PHEX: variants seen among roughly 807,000 people sequenced by gnomAD.
PHEX encodes the protein phosphate regulating endopeptidase X-linked.
A neutral mutation model predicts 68.0 loss-of-function variants in PHEX; 16 were observed. The ratio of observed to expected loss-of-function variants is 0.24; its 90% CI spans 0.16 to 0.36. PHEX has a LOEUF of 0.36. Ranked by LOEUF, PHEX falls within the 10% of genes least tolerant of loss-of-function variation. The probability of loss-of-function intolerance (pLI) is 1.00; values close to 1 mark genes in which losing one functional copy is unlikely to be tolerated. For missense variants in PHEX, 480 were observed against 575.5 expected (o/e 0.83, Z 1.70); for synonymous variants, 208 against 205.1 (o/e 1.01, Z -0.12).
At chrX:22,042,505 C>G (rs1295477144) in intron 2 of PHEX, among the ~76,000 whole-genome samples, 1 of 112,538 alleles carries the variant, frequency 8.9e-6, no homozygotes, top group African/African-American at 3.2e-5. Context: ...TAATAATGGA[C>G]TGGGCACGGT....
At chrX:22,159,355 T>A (rs1339533075) in intron 12 of PHEX, among the ~76,000 whole-genome samples, 1 of 112,800 alleles carries the variant, frequency 8.9e-6, no homozygotes, top group African/African-American at 3.2e-5. Context: ...TAAATAGTTT[T>A]AAAAAATCAG....
chrX:22,117,565 CAATT>C (rs1026897820), intron 11 of PHEX, among the ~76,000 whole-genome samples: 3 of 111,421 alleles, frequency 2.7e-5, no homozygotes, highest in Non-Finnish European at 5.6e-5. Context: ...GCTATAAAAA[CAATT>C]AAAGGATAAT....
At chrX:22,153,686 G>C (rs933971376) in intron 12 of PHEX, among the ~76,000 whole-genome samples, 1 of 111,595 alleles carries the variant, frequency 9.0e-6, no homozygotes, top group African/African-American at 3.3e-5. Flanking sequence ...AATTCTACCA[G>C]ATGGCATTCG....
intron 3 of PHEX, among the ~76,000 whole-genome samples, chrX:22,061,335 G>T (rs1267830943): frequency 1.8e-5 from 2 of 111,613 alleles, no homozygotes; most frequent in African/African-American, 6.5e-5. Context: ...TCTCTGATTA[G>T]ATTGTTTTAG....
At chrX:22,181,888 A>C (rs1393790207) in intron 14 of PHEX, among the ~76,000 whole-genome samples, 1 of 112,091 alleles carries the variant, frequency 8.9e-6, no homozygotes, top group East Asian at 2.8e-4. Context: ...GCTTTCTCTT[A>C]GAATATAGAA....
At chrX:22,205,679 T>C (rs763287689) in intron 15 of PHEX, among the ~76,000 whole-genome samples, 13 of 92,713 alleles carry the variant, frequency 1.4e-4, no homozygotes, top group African/African-American at 5.2e-4. Context: ...ACTTTATTAA[T>C]ATTAAATTAT....
chrX:22,087,888 G>A (rs1447504074), intron 5 of PHEX, among the ~76,000 whole-genome samples: 2 of 111,585 alleles, frequency 1.8e-5, no homozygotes, highest in African/African-American at 6.5e-5. Context: ...ATTTAGAGAA[G>A]GTGCTGGAAA....
chrX:22,153,847 G>A (rs1373339527), intron 12 of PHEX, among the ~76,000 whole-genome samples: 1 of 112,165 alleles, frequency 8.9e-6, no homozygotes, highest in East Asian at 2.8e-4. Flanking sequence ...TCAGTGAACT[G>A]TAATTGTATT....
At chrX:22,033,152 C>A (rs1003994925) in intron 1 of PHEX, 29 bp downstream of exon 1, 2 of 1,031,591 alleles carry the variant, frequency 1.9e-6, no homozygotes, top group Non-Finnish European at 2.7e-6. Flanking sequence ...GCCGGGGGAA[C>A]TGGGTGTGTG....
At chrX:22,041,265 C>CTCTCTCTCTCTCTCTCTCTATATA (rs1468778300) in intron 2 of PHEX, among the ~76,000 whole-genome samples, 1 of 72,825 alleles carries the variant, frequency 1.4e-5, no homozygotes, top group African/African-American at 6.3e-5. Context: ...CTCTCTCTCT[C>CTCTCTCTCTCTCTCTCTCTATATA]TATATATATA....
At chrX:22,169,828 G>A (rs1380889053) in intron 13 of PHEX, 1 of 112,495 alleles carries the variant, frequency 8.9e-6, no homozygotes, top group Non-Finnish European at 1.9e-5. Flanking sequence ...ACTTAACTTC[G>A]GTTAGCCTCC....
intron 3 of PHEX, among the ~76,000 whole-genome samples, chrX:22,059,488 A>G (rs1319935223): frequency 8.9e-6 from 1 of 112,272 alleles, no homozygotes; most frequent in Non-Finnish European, 1.9e-5. Flanking sequence ...TATATTTCAC[A>G]CAGTAAAAAA....
At chrX:22,033,744 T>G (rs142250452) in intron 1 of PHEX, among the ~76,000 whole-genome samples, 3,770 of 111,984 alleles carry the variant, frequency 0.034, 159 homozygotes, top group African/African-American at 0.12. Flanking sequence ...TGACTGTTGG[T>G]GAGAATGATG....
intron 12 of PHEX, among the ~76,000 whole-genome samples, chrX:22,166,134 C>T (rs1357320219): frequency 8.9e-6 from 1 of 111,912 alleles, no homozygotes; most frequent in Non-Finnish European, 1.9e-5. Context: ...CTTTGTCTAT[C>T]TAAATGATGG....
At chrX:22,071,636 T>G (rs1293038500) in intron 3 of PHEX, among the ~76,000 whole-genome samples, 2 of 112,272 alleles carry the variant, frequency 1.8e-5, no homozygotes, top group African/African-American at 6.5e-5. Flanking sequence ...TTGGTGATAT[T>G]ATTTGAGGCC....
chrX:22,235,139 G>A (rs1013159888), intron 20 of PHEX, among the ~76,000 whole-genome samples: 15 of 111,640 alleles, frequency 1.3e-4, no homozygotes, highest in South Asian at 7.5e-4. Context: ...ACCCTGCTTC[G>A]GCTTGCCCTC....
chrX:22,202,861 G>A (rs969602466), intron 15 of PHEX, among the ~76,000 whole-genome samples: 4 of 111,853 alleles, frequency 3.6e-5, no homozygotes, highest in African/African-American at 6.5e-5. Context: ...TATAGCAGTG[G>A]TTCTCAAAGT....
At chrX:22,139,480 CTA>C (rs1932365972) in intron 12 of PHEX, among the ~76,000 whole-genome samples, 1 of 111,338 alleles carries the variant, frequency 9.0e-6, no homozygotes, top group African/African-American at 3.3e-5. Context: ...ATGCATATAT[CTA>C]TTTATTTTTT....
At chrX:22,048,218 C>T (rs1264218702) in intron 3 of PHEX, among the ~76,000 whole-genome samples, 1 of 111,257 alleles carries the variant, frequency 9.0e-6, no homozygotes, top group Admixed American at 9.6e-5. Context: ...ATCACATGGA[C>T]TTATATTTTC....
Sources: gnomAD v4.1 joint callset for allele counts (sites outside exome capture counted in the v4.1 genomes callset) on GRCh38, gnomAD v4.1.1 for gene constraint, MANE v1.5 for transcripts, NCBI Gene and HGNC (gene_info 2026-07-23, HGNC 2026-07-21) for gene names.